Variants in APTX observed in about 807,000 individuals in gnomAD.
The protein encoded by APTX is forkhead-associated domain histidine triad-like protein.
Under a neutral mutation model 42.3 loss-of-function variants are expected in APTX, and 33 were observed. That is an observed-to-expected ratio of 0.78 (90% CI 0.59 to 1.04). The LOEUF (loss-of-function observed/expected upper bound fraction) is 1.04. Among genes scored for constraint, APTX ranks in the 50% least tolerant of loss-of-function variants. The probability of loss-of-function intolerance (pLI) is 0.00; values close to 1 mark genes in which losing one functional copy is unlikely to be tolerated. For missense variants in APTX, 421 were observed against 415.1 expected, an observed-to-expected ratio of 1.01 and a Z score of -0.12; for synonymous variants, 130 against 146.7, an observed-to-expected ratio of 0.89 and a Z score of 0.82.
intron 6 of APTX, among the ~76,000 whole-genome samples, chr9:32,980,656 C>A (rs1830485638): frequency 6.6e-6 from 1 of 152,146 alleles, no homozygotes; most frequent in African/African-American, 2.4e-5. Flanking sequence ...GCAGTCTAGG[C>A]CAGAAAATCA....
Position 33,014,788 on chromosome 9 carries a change from T to C in APTX, c.-5+10235A>G, listed in dbSNP as rs142332613. The stretch of plus-strand genomic sequence containing the variant: ...CTCAGCAAATTGCCCTTTGTTGTGC[T>C]GCCATCAGAGGCATCCCTCTACACT... On this transcript the variant is annotated intron_variant, in intron 1 of 6. Coordinates refer to the APTX transcript ENST00000436040. Among the ~76,000 whole-genome samples the C allele has an allele frequency of 1.4e-3, 214 of 152,342 alleles. 2 individuals carry two copies. The highest frequency in any genetic ancestry group is 0.013 in the East Asian group (70 of 5,188).
chr9:33,009,699 A>G (rs988788015), intron 1 of APTX, among the ~76,000 whole-genome samples: 1 of 152,108 alleles, frequency 6.6e-6, no homozygotes, highest in Non-Finnish European at 1.5e-5. Flanking sequence ...GGACTGCTTG[A>G]GCCCAGAAGT....
chr9:33,020,857 T>G (rs567016919), intron 1 of APTX, among the ~76,000 whole-genome samples: 3 of 152,322 alleles, frequency 2.0e-5, no homozygotes, highest in African/African-American at 7.2e-5. Flanking sequence ...TGGCCAGGCG[T>G]GGTGGCTCAC....
In APTX at chr9:32,995,781, T is replaced by G. The variant is rs1834724323; in HGVS notation, c.-5+5786A>C. Among the ~76,000 whole-genome samples the G allele has an allele frequency of 3.3e-5, 5 of 151,260 alleles. No homozygotes were observed. The South Asian group carries it at 8.4e-4, about 25-fold the overall frequency. ...CGGGCACCTGTAGTCCCAGCTACTC[T>G]GGAGACTGAGGCAGGAGAATGGTGT... On this transcript the variant is annotated intron_variant, in intron 1 of 7. Coordinates refer to ENST00000379817, the MANE Select transcript of APTX (RefSeq NM_001195248.2).
upstream of APTX, chr9:33,001,758 G>C (rs969344874): frequency 4.1e-5 from 40 of 969,590 alleles, no homozygotes; most frequent in Non-Finnish European, 6.0e-5. Flanking sequence ...GTTCTCTCTG[G>C]GCCGTGGTCC....
Position 32,972,825 on chromosome 9 carries a change from CGAACATGT to C in APTX, c.*665_*672del, listed in dbSNP as rs768175241. 2 of 453,960 alleles carry C rather than the reference CGAACATGT, an allele frequency of 4.4e-6. No individual in the cohort carries two copies. Among genetic ancestry groups the C allele is most frequent in the Non-Finnish European group, 8.8e-6 (2 of 226,798 alleles). The allele number at this position is 453,960 out of a possible 1,614,324, so 28.1% of individuals were successfully genotyped here. On this transcript the variant is annotated 3_prime_UTR_variant, in exon 8 of 8. Coordinates refer to ENST00000379817, the MANE Select transcript of APTX (RefSeq NM_001195248.2). ...AGAAGACTTCACAGCTCAATCATGA[CGAACATGT>C]GGCTGTTTCCTCACAGCCAGGAACC...
chr9:33,001,520 G>T (rs780407104), intron 1 of APTX, 47 bp downstream of exon 1: 3 of 1,612,690 alleles, frequency 1.9e-6, no homozygotes, highest in South Asian at 1.1e-5. Flanking sequence ...GCTCACCCGC[G>T]GCATTGAGCC....
upstream of APTX, among the ~76,000 whole-genome samples, chr9:33,004,015 C>A (rs1836943201): frequency 6.6e-6 from 1 of 152,170 alleles, no homozygotes; most frequent in Non-Finnish European, 1.5e-5. Context: ...AACATGGAAC[C>A]AACCTAAATG....
upstream of APTX, chr9:33,001,778 T>G: frequency 1.3e-6 from 1 of 796,878 alleles, no homozygotes; most frequent in Non-Finnish European, 2.0e-6. Context: ...CAACTGAGGA[T>G]CCTGGAAGTT....
At chr9:33,007,022 AAGAAAG>A (rs1325112323) in intron 1 of APTX, among the ~76,000 whole-genome samples, 1 of 130,252 alleles carries the variant, frequency 7.7e-6, no homozygotes, top group Non-Finnish European at 1.6e-5. Flanking sequence ...AAAAAAAAAA[AAGAAAG>A]AAAGAAAGAA....
At chr9:33,020,082 G>C (rs1005888466) in intron 1 of APTX, 7 of 387,090 alleles carry the variant, frequency 1.8e-5, no homozygotes, top group Middle Eastern at 6.6e-4. Flanking sequence ...GATCACCCTA[G>C]CCATCCCCGC....
chr9:33,019,856 A>G, intron 1 of APTX: 1 of 646,944 alleles, frequency 1.5e-6, no homozygotes. Flanking sequence ...ATCCTTCCCA[A>G]CCACCCTTTG....
At chr9:33,003,856 A>G (rs1005728182), upstream of APTX, among the ~76,000 whole-genome samples, 1 of 152,240 alleles carries the variant, frequency 6.6e-6, no homozygotes, top group African/African-American at 2.4e-5. Flanking sequence ...TTAAAGCTGA[A>G]TAACACTCCA....
rs117587652 is a variant in APTX, at chr9:32,981,807, C to T, written c.770+2824G>A. Among the ~76,000 whole-genome samples the T allele has an allele frequency of 4.9e-4, 75 of 152,142 alleles. 1 individual carries two copies. The East Asian group carries it at 0.013, about 25-fold the overall frequency. On this transcript the variant is annotated intron_variant, in intron 6 of 7. Transcript: ENST00000379817. ...AGAACTAATGAGAAAGACAGAACAG[C>T]GCTTTCACACAGAATAATTTCAACT... is the stretch of plus-strand genomic sequence containing the variant.
chr9:33,005,297 T>C (rs1837054323), upstream of APTX, among the ~76,000 whole-genome samples: 1 of 152,216 alleles, frequency 6.6e-6, no homozygotes, highest in African/African-American at 2.4e-5. Context: ...GCCTGTCTTT[T>C]GGTGTTATAT....
At chr9:32,991,565 C>T (rs1833643148) in intron 1 of APTX, among the ~76,000 whole-genome samples, 1 of 152,054 alleles carries the variant, frequency 6.6e-6, no homozygotes, top group African/African-American at 2.4e-5. Flanking sequence ...AGGCGGATCA[C>T]GAGGTCAGGA....
At chr9:33,006,731 T>C (rs1228259905) in intron 1 of APTX, among the ~76,000 whole-genome samples, 1 of 152,036 alleles carries the variant, frequency 6.6e-6, no homozygotes, top group Non-Finnish European at 1.5e-5. Flanking sequence ...CCGGGTGCGG[T>C]GGCTCACACC....
At chr9:33,001,480 A>G (rs775566706) in intron 1 of APTX, 87 bp downstream of exon 1, 1 of 1,602,396 alleles carries the variant, frequency 6.2e-7, no homozygotes, top group South Asian at 1.1e-5. Flanking sequence ...AAGGCACATC[A>G]CTCAAGGGTA....
chr9:33,021,951 C>T (rs1838416550), intron 1 of APTX, among the ~76,000 whole-genome samples: 1 of 143,000 alleles, frequency 7.0e-6, no homozygotes, highest in African/African-American at 2.6e-5. Flanking sequence ...CACATCAAGG[C>T]TGTTAATTTA....
Sources: allele counts gnomAD v4.1 joint callset (sites outside exome capture counted in the v4.1 genomes callset), GRCh38; gene constraint gnomAD v4.1.1; transcripts MANE v1.5; gene names NCBI Gene and HGNC (gene_info 2026-07-23, HGNC 2026-07-21).